FHIT: variants seen among roughly 807,000 people sequenced by gnomAD.
The protein encoded by FHIT is bis(5'-adenosyl)-triphosphatase.
In FHIT, 19 loss-of-function variants were observed where a neutral mutation model predicts 17.9. The observed-to-expected ratio is 1.06, with a 90% CI of 0.74 to 1.56. The LOEUF is 1.56. Among genes scored for constraint, FHIT ranks in the 40% most tolerant of loss-of-function variants. The probability of loss-of-function intolerance (pLI) is 0.00; values close to 1 mark genes in which losing one functional copy is unlikely to be tolerated. For synonymous variants in FHIT, 81 were observed against 69.7 expected (o/e 1.16, Z -0.81); for missense variants, 248 against 189.2 (o/e 1.31, Z -1.82).
chr3:61,200,944 G>A (rs1318647600), intron 1 of FHIT, among the ~76,000 whole-genome samples: 1 of 152,194 alleles, frequency 6.6e-6, no homozygotes, highest in Non-Finnish European at 1.5e-5. Flanking sequence ...AACAGAATGG[G>A]AACGGCTTAT....
intron 2 of FHIT, among the ~76,000 whole-genome samples, chr3:61,104,700 A>G (rs1020458324): frequency 1.3e-5 from 2 of 152,190 alleles, no homozygotes; most frequent in Admixed American, 1.3e-4. Flanking sequence ...TCTTTCAGAG[A>G]TACCAAAGAA....
In FHIT at chr3:61,016,702, G is replaced by A. The variant is rs1256883823; in HGVS notation, c.-111+25345C>T. On this transcript the variant is annotated intron_variant, in intron 3 of 9. Coordinates refer to ENST00000492590, the MANE Select transcript of FHIT (RefSeq NM_002012.4). ...CTCCATCACTAATGAAACAAGTCCTGGATTTTCATAGCAACCATCAAGCAT... is the reference window on the plus strand; with the variant it reads ...CTCCATCACTAATGAAACAAGTCCTAGATTTTCATAGCAACCATCAAGCAT... Among the ~76,000 whole-genome samples the A allele has an allele frequency of 2.0e-5, 3 of 152,186 alleles. No individual in the cohort carries two copies. The East Asian group carries it at 5.8e-4, about 29-fold the overall frequency.
intron 5 of FHIT, among the ~76,000 whole-genome samples, chr3:60,125,283 A>G (rs1050000969): frequency 1.3e-5 from 2 of 152,214 alleles, no homozygotes; most frequent in African/African-American, 4.8e-5. Context: ...TCTTTTCTGT[A>G]AAATGGTGGT....
intron 5 of FHIT, among the ~76,000 whole-genome samples, chr3:60,390,396 T>TGAAAA (rs1701174274): frequency 3.4e-4 from 11 of 32,030 alleles, no homozygotes; most frequent in African/African-American, 1.3e-3. Flanking sequence ...GTAATGGAGC[T>TGAAAA]AAAAAAAAAA....
At chr3:59,829,687 T>C (rs781157927) in intron 8 of FHIT, among the ~76,000 whole-genome samples, 3 of 152,210 alleles carry the variant, frequency 2.0e-5, no homozygotes, top group Non-Finnish European at 4.4e-5. Context: ...CAAGGGACTC[T>C]GAATGAAAAT....
intron 3 of FHIT, among the ~76,000 whole-genome samples, chr3:60,975,956 C>A (rs1266479948): frequency 1.3e-5 from 2 of 152,038 alleles, no homozygotes; most frequent in East Asian, 3.9e-4. Flanking sequence ...GAAATGAAAT[C>A]AAATCAACTC....
chr3:60,313,458 C>G (rs576799748), intron 5 of FHIT, among the ~76,000 whole-genome samples: 1 of 152,104 alleles, frequency 6.6e-6, no homozygotes, highest in Non-Finnish European at 1.5e-5. Flanking sequence ...AGCAGGCTAA[C>G]GACTAGAGCT....
At chr3:60,482,326 G>C (rs1268681397) in intron 5 of FHIT, among the ~76,000 whole-genome samples, 1 of 152,138 alleles carries the variant, frequency 6.6e-6, no homozygotes. Flanking sequence ...TCTGGATCAA[G>C]CGGACCTAAT....
chr3:60,067,896 G>C (rs528656044), intron 5 of FHIT, among the ~76,000 whole-genome samples: 1 of 152,308 alleles, frequency 6.6e-6, no homozygotes, highest in South Asian at 2.1e-4. Context: ...AGCCTCAAGT[G>C]TAGTTTCAAT....
intron 7 of FHIT, among the ~76,000 whole-genome samples, chr3:59,942,506 G>C (rs573899018): frequency 6.6e-6 from 1 of 152,220 alleles, no homozygotes; most frequent in African/African-American, 2.4e-5. Context: ...CAGAACAAAG[G>C]CTTTGCATTA....
chr3:59,916,826 T>C (rs2107167736), intron 8 of FHIT, among the ~76,000 whole-genome samples: 1 of 152,342 alleles, frequency 6.6e-6, no homozygotes, highest in East Asian at 1.9e-4. Context: ...ATAAAAAGTC[T>C]CCATTAATTT....
intron 5 of FHIT, among the ~76,000 whole-genome samples, chr3:60,426,780 T>C (rs949844950): frequency 1.3e-5 from 2 of 152,136 alleles, no homozygotes; most frequent in African/African-American, 2.4e-5. Flanking sequence ...CATACCTACA[T>C]CTCTTGGCAT....
At chr3:60,282,504 A>G (rs1707509310) in intron 5 of FHIT, among the ~76,000 whole-genome samples, 1 of 152,188 alleles carries the variant, frequency 6.6e-6, no homozygotes, top group Admixed American at 6.5e-5. Context: ...ACACGACAAT[A>G]TGCATCTGTA....
chr3:60,518,824 C>T (rs2035253812), intron 5 of FHIT, among the ~76,000 whole-genome samples: 1 of 152,114 alleles, frequency 6.6e-6, no homozygotes, highest in Admixed American at 6.5e-5. Flanking sequence ...GCCTGGCCAA[C>T]ATGGGGAAAC....
intron 3 of FHIT, among the ~76,000 whole-genome samples, chr3:60,893,542 T>C (rs1705625867): frequency 6.6e-6 from 1 of 152,206 alleles, no homozygotes; most frequent in Non-Finnish European, 1.5e-5. Flanking sequence ...CTCTACTCTG[T>C]AGATGCCAAG....
intron 3 of FHIT, among the ~76,000 whole-genome samples, chr3:60,861,534 C>T (rs1703893956): frequency 6.6e-6 from 1 of 151,694 alleles, no homozygotes; most frequent in South Asian, 2.1e-4. Flanking sequence ...CCTGCAAAAT[C>T]GCCTCCGATT....
At chr3:60,406,515 T>G (rs1387221924) in intron 5 of FHIT, among the ~76,000 whole-genome samples, 1 of 152,178 alleles carries the variant, frequency 6.6e-6, no homozygotes, top group Admixed American at 6.5e-5. Flanking sequence ...TTCAGAGAAA[T>G]CAATTTCCTT....
chr3:59,884,768 G>A (rs1419334093), intron 8 of FHIT, among the ~76,000 whole-genome samples: 2 of 152,154 alleles, frequency 1.3e-5, no homozygotes, highest in African/African-American at 4.8e-5. Context: ...CTTGTCAGTT[G>A]CCAATGAGCT....
chr3:61,149,829 A>C (rs1173934233), intron 2 of FHIT, among the ~76,000 whole-genome samples: 1 of 152,174 alleles, frequency 6.6e-6, no homozygotes, highest in Admixed American at 6.5e-5. Flanking sequence ...GCAATGGGCC[A>C]TGATTGTGCC....
Sources: allele counts gnomAD v4.1 joint callset (sites outside exome capture counted in the v4.1 genomes callset), GRCh38; gene constraint gnomAD v4.1.1; transcripts MANE v1.5; gene names NCBI Gene and HGNC (gene_info 2026-07-23, HGNC 2026-07-21).